PDPR: variants seen among roughly 807,000 people sequenced by gnomAD.
PDPR encodes pyruvate dehydrogenase phosphatase regulatory subunit, mitochondrial.
Under a neutral mutation model 102.2 loss-of-function variants are expected in PDPR, and 50 were observed. The ratio of observed to expected loss-of-function variants is 0.49; its 90% CI spans 0.39 to 0.62. The LOEUF is 0.62. Ranked by LOEUF, PDPR falls within the 20% of genes least tolerant of loss-of-function variation. The probability of loss-of-function intolerance (pLI) is 0.00; values close to 1 mark genes in which losing one functional copy is unlikely to be tolerated. For missense variants in PDPR, 625 were observed against 1,098.2 expected (o/e 0.57, Z 6.09); for synonymous variants, 259 against 406.0 (o/e 0.64, Z 4.35).
chr16:70,125,509 G>T (rs1180661314), intron 3 of PDPR, among the ~76,000 whole-genome samples: 1 of 144,084 alleles, frequency 6.9e-6, no homozygotes, highest in Non-Finnish European at 1.5e-5. Flanking sequence ...AGCCGAGATT[G>T]TGCCATTGCA....
At chr16:70,136,900 A>C (rs1454092101) in intron 10 of PDPR, among the ~76,000 whole-genome samples, 2 of 152,206 alleles carry the variant, frequency 1.3e-5, no homozygotes, top group African/African-American at 4.8e-5. Context: ...GTGCCAAGAC[A>C]TCTGGCTAAT....
chr16:70,146,384 C>T (rs1451480480), intron 16 of PDPR, among the ~76,000 whole-genome samples, 156 bp downstream of exon 16: 10 of 151,146 alleles, frequency 6.6e-5, no homozygotes, highest in South Asian at 4.2e-4. Context: ...TTTGGGAGGC[C>T]GAGGCAGGTG....
intron 2 of PDPR, among the ~76,000 whole-genome samples, chr16:70,117,780 C>T (rs1227246512): frequency 6.6e-6 from 1 of 152,014 alleles, no homozygotes; most frequent in Non-Finnish European, 1.5e-5. Context: ...AAGAGTTTTG[C>T]CTTTTTCCTG....
rs1176291871 is a variant in PDPR, at chr16:70,136,223, A to G, written c.1027A>G (p.Met343Val). Residue 343 changes from methionine to valine, a missense_variant, in exon 10 of 19, where the codon ATG becomes GTG. Physicochemically the swap from Met to Val is conservative, Grantham distance 21. Coordinates refer to ENST00000288050, the MANE Select transcript of PDPR (RefSeq NM_017990.5). The part of the protein sequence containing the change: ...EPLLSSLLRR[M>V]PELETLEIMK... ...TCTGTTGAGTTCCCTTCTGAGGAGGATGCCAGAATTAGAGACTCTGGAGAT... is the reference window on the plus strand; with the variant it reads ...TCTGTTGAGTTCCCTTCTGAGGAGGGTGCCAGAATTAGAGACTCTGGAGAT... 3.7e-6 allele frequency: 6 copies of G among 1,606,326 alleles called. No homozygotes were observed. The highest frequency in any genetic ancestry group is 5.1e-6 in the Non-Finnish European group (6 of 1,174,636).
chr16:70,137,706 G>A (rs1965292623), intron 10 of PDPR, among the ~76,000 whole-genome samples: 1 of 152,272 alleles, frequency 6.6e-6, no homozygotes, highest in East Asian at 1.9e-4. Context: ...TCTCTTGAGT[G>A]ATTTGTAGAA....
chr16:70,156,647 C>T lies in PDPR; in HGVS notation c.2408C>T (p.Ala803Val). ...GQYVGKTTSS[A>V]YSYSLERHVC... Reference sequence around the variant, plus strand: ...TATGTTGGCAAGACCACCAGCAGTGCCTACAGCTACAGCCTGGAGCGCCAC... The same window carrying T: ...TATGTTGGCAAGACCACCAGCAGTGTCTACAGCTACAGCCTGGAGCGCCAC... Residue 803 changes from alanine (A) to valine (V), a missense_variant, in exon 19 of 19, where the codon GCC (alanine) becomes GTC (valine). Physicochemically the swap from Ala to Val is moderately conservative, Grantham distance 64. Transcript: ENST00000288050. 6.2e-7 allele frequency: 1 copy of T among 1,614,104 alleles called. No individual in the cohort carries two copies.
rs531656207 is a variant in PDPR at position 70,157,870 on chromosome 16, G to A, written c.*991G>A. The A allele has an allele frequency of 6.5e-6, 1 of 154,326 alleles. No individual in the cohort carries two copies. The highest frequency in any genetic ancestry group is 2.4e-5 in the African/African-American group (1 of 41,490). 9.6% of individuals were successfully genotyped at this position (154,326 alleles called of 1,614,324 possible). On this transcript the variant is annotated 3_prime_UTR_variant, in exon 19 of 19. Transcript: ENST00000288050. ...TTTCACAGTTGGCCCATAAAGTCAT[G>A]TTTCTCTCCCTTTAGAATAGGGAGG...
At position 70,146,217 on chromosome 16, in the gene PDPR, C is replaced by T. The variant is rs1246080718; in HGVS notation, c.1951C>T (p.Leu651Phe). The change falls in exon 16 of 19, where the codon CTC becomes TTC. Residue 651 changes from leucine to phenylalanine, a missense_variant. This residue lies in a region of PDPR where 36 missense variants were observed against 62.8 expected (regional missense o/e 0.57). Coordinates refer to ENST00000288050, the MANE Select transcript of PDPR (RefSeq NM_017990.5). ...TATGACTCCAGACCACTTCCCAAGC[C>T]TCTTTTGCAAGGTAAGTGCTGATAA... Reference protein sequence around the residue: ...APMTPDHFPSLFCKEMSVGYA... With the variant: ...APMTPDHFPSFFCKEMSVGYA... 5.0e-6 allele frequency: 8 copies of T among 1,613,714 alleles called. No homozygotes were observed. Among genetic ancestry groups the T allele is most frequent in the Non-Finnish European group, 6.8e-6 (8 of 1,179,852 alleles).
intron 3 of PDPR, among the ~76,000 whole-genome samples, chr16:70,121,617 G>A (rs1420092509): frequency 3.3e-5 from 5 of 152,094 alleles, no homozygotes; most frequent in African/African-American, 4.8e-5. Context: ...GCTTGAATCC[G>A]TGAGGCGGAG....
chr16:70,138,844 T>C, intron 10 of PDPR, 55 bp from the exon 11 acceptor site: 2 of 1,606,856 alleles, frequency 1.2e-6, no homozygotes, highest in African/African-American at 1.3e-5. Context: ...TTGTAGAATA[T>C]TAATTTTCTC....
chr16:70,136,574 A>G (rs1344869629), intron 10 of PDPR, among the ~76,000 whole-genome samples, 188 bp downstream of exon 10: 3 of 152,030 alleles, frequency 2.0e-5, no homozygotes, highest in Non-Finnish European at 4.4e-5. Context: ...ATGTTCCAGA[A>G]ATGTCATCGG....
At position 70,156,933 on chromosome 16, in the gene PDPR, C is replaced by T; in HGVS notation, c.*54C>T. On this transcript the variant is annotated 3_prime_UTR_variant, in exon 19 of 19. Coordinates refer to ENST00000288050, the MANE Select transcript of PDPR (RefSeq NM_017990.5). ...CATCATCTTGTCCTAGAGTGGGCGT[C>T]ACCTTGGAGCTTCTCTTCCTTCCGC... The T allele has an allele frequency of 6.3e-7, 1 of 1,583,016 alleles. No individual in the cohort carries two copies. The highest frequency in any genetic ancestry group is 8.6e-7 in the Non-Finnish European group (1 of 1,162,294).
Position 70,161,852 on chromosome 16 carries a change from T to G in PDPR, c.*4973T>G, listed in dbSNP as rs1967821189. ...TTTCTCATTCTTAGATGCACCTGTT[T>G]TTATCCTTTGCAGACCATCTTCTGC... is the stretch of plus-strand genomic sequence containing the variant. On this transcript the variant is annotated 3_prime_UTR_variant, in exon 19 of 19. Transcript: ENST00000288050. The G allele has an allele frequency of 6.6e-6, 1 of 152,414 alleles. No individual in the cohort carries two copies. Among genetic ancestry groups the G allele is most frequent in the Non-Finnish European group, 1.5e-5 (1 of 68,104 alleles). 9.4% of individuals were successfully genotyped at this position (152,414 alleles called of 1,614,324 possible). A position where few individuals can be genotyped will look rare whatever the true frequency, so the allele number is the denominator to read the frequency against.
intron 17 of PDPR, among the ~76,000 whole-genome samples, chr16:70,152,143 C>A (rs1167689013): frequency 6.6e-6 from 1 of 152,232 alleles, no homozygotes; most frequent in Non-Finnish European, 1.5e-5. Context: ...CCTGCACCCA[C>A]CTTGGCTGAT....
chr16:70,130,235 C>T (rs1405315445), intron 6 of PDPR, among the ~76,000 whole-genome samples, 188 bp from the exon 7 acceptor site: 2 of 152,244 alleles, frequency 1.3e-5, no homozygotes, highest in African/African-American at 4.8e-5. Context: ...AGAGAGCGAG[C>T]CAAGATCGCA....
At chr16:70,149,915 T>C (rs1236701533) in intron 17 of PDPR, among the ~76,000 whole-genome samples, 9 of 149,224 alleles carry the variant, frequency 6.0e-5, no homozygotes, top group Middle Eastern at 3.9e-3. Flanking sequence ...CTCAGCCTCC[T>C]GAGTAGCTGG....
rs1457092226 is a variant in PDPR, at chr16:70,131,287, C to G, written c.730-15C>G. 1 of 1,495,276 alleles carries G rather than the reference C, an allele frequency of 6.7e-7. No individual in the cohort carries two copies. The allele number at this position is 1,495,276 out of a possible 1,614,324, so 92.6% of individuals were successfully genotyped here. A position where few individuals can be genotyped will look rare whatever the true frequency, so the allele number is the denominator to read the frequency against. ...GTTCCTCTTCCCACCCACAAATCAA[C>G]CTGTCCATTTGTAGTGGGCATACGA... On this transcript the variant is annotated splice_polypyrimidine_tract_variant and intron_variant, in intron 7 of 18. Coordinates refer to ENST00000288050, the MANE Select transcript of PDPR (RefSeq NM_017990.5).
chr16:70,148,576 C>T (rs767837302), intron 17 of PDPR, 23 bp downstream of exon 17: 28 of 1,582,478 alleles, frequency 1.8e-5, no homozygotes, highest in Non-Finnish European at 2.3e-5. Flanking sequence ...CCTTCCCTTC[C>T]CTTCCCTTCA....
rs1045875578 is a variant in PDPR, at chr16:70,158,277, A to G, written c.*1398A>G. On this transcript the variant is annotated 3_prime_UTR_variant, in exon 19 of 19. Coordinates refer to ENST00000288050, the MANE Select transcript of PDPR (RefSeq NM_017990.5). ...TTCCCCTTGCATATCAACTGCCCTAATCTGACTTTTTTTAAGTGCAAATAA... is the reference window on the plus strand; with the variant it reads ...TTCCCCTTGCATATCAACTGCCCTAGTCTGACTTTTTTTAAGTGCAAATAA... 6.6e-6 allele frequency: 1 copy of G among 152,440 alleles called. No individual in the cohort carries two copies. The highest frequency in any genetic ancestry group is 2.4e-5 in the African/African-American group (1 of 41,480). 9.4% of individuals were successfully genotyped at this position (152,440 alleles called of 1,614,324 possible).
Sources: allele counts gnomAD v4.1 joint callset (sites outside exome capture counted in the v4.1 genomes callset), GRCh38; gene constraint gnomAD v4.1.1; regional missense constraint gnomAD v4.1.1; transcripts MANE v1.5; gene names NCBI Gene and HGNC (gene_info 2026-07-23, HGNC 2026-07-21).